Variants in RBFOX1 observed in about 807,000 individuals in gnomAD.
RBFOX1 encodes the protein RNA binding fox-1 homolog 1.
A neutral mutation model predicts 57.7 loss-of-function variants in RBFOX1; 8 were observed. That is an observed-to-expected ratio of 0.14 (90% CI 0.08 to 0.25). The LOEUF is 0.25. Ranked by LOEUF, RBFOX1 falls within the 10% of genes least tolerant of loss-of-function variation. The pLI is 1.00. For synonymous variants in RBFOX1, 326 were observed against 222.4 expected, an observed-to-expected ratio of 1.47 and a Z score of -4.15; for missense variants, 611 against 548.5, an observed-to-expected ratio of 1.11 and a Z score of -1.14.
chr16:5,958,397 C>T (rs1360430426), intron 4 of RBFOX1, among the ~76,000 whole-genome samples: 1 of 152,136 alleles, frequency 6.6e-6, no homozygotes, highest in Admixed American at 6.5e-5. Context: ...TCCCTCAAAG[C>T]CTTCCTATCA....
chr16:6,417,938 TA>T (rs1225124279), intron 2 of RBFOX1, among the ~76,000 whole-genome samples: 1 of 152,138 alleles, frequency 6.6e-6, no homozygotes, highest in African/African-American at 2.4e-5. Flanking sequence ...AAAGTTGTAT[TA>T]ATAACATCTA....
intron 1 of RBFOX1, among the ~76,000 whole-genome samples, chr16:5,416,199 TC>T (rs2151475309): frequency 6.6e-6 from 1 of 152,296 alleles, no homozygotes; most frequent in East Asian, 1.9e-4. Flanking sequence ...GACACTATGG[TC>T]CCATTTTACA....
chr16:6,706,080 G>C (rs1169275462), intron 3 of RBFOX1, among the ~76,000 whole-genome samples: 1 of 152,120 alleles, frequency 6.6e-6, no homozygotes, highest in Non-Finnish European at 1.5e-5. Context: ...CACCTTTCAC[G>C]CCTATTAAAA....
At chr16:6,578,601 G>GTA (rs2097483382) in intron 2 of RBFOX1, among the ~76,000 whole-genome samples, 1 of 146,940 alleles carries the variant, frequency 6.8e-6, no homozygotes, top group Non-Finnish European at 1.5e-5. Context: ...GTGTGTGCGT[G>GTA]TGTGTGTGTG....
chr16:6,377,782 T>A (rs527786141), intron 2 of RBFOX1, among the ~76,000 whole-genome samples: 4 of 152,284 alleles, frequency 2.6e-5, no homozygotes, highest in African/African-American at 7.2e-5. Context: ...GAATGTAATT[T>A]TAGATAGAGG....
At position 7,402,272 on chromosome 16, in the gene RBFOX1, G is replaced by A. The variant is rs181492697; in HGVS notation, c.28-115875G>A. ...TCAACTAAGTTATTCAGTCCCGGAC[G>A]TTGTTAACTGCCCTGAAAGTGGTGG... On this transcript the variant is annotated intron_variant, in intron 4 of 15. Transcript: ENST00000550418. 4.5e-4 allele frequency among the ~76,000 whole-genome samples: 69 copies of A among 152,280 alleles called. 1 individual carries two copies. The highest frequency in any genetic ancestry group is 1.0e-3 in the South Asian group (5 of 4,828).
intron 4 of RBFOX1, among the ~76,000 whole-genome samples, chr16:7,208,897 A>G (rs11865299): frequency 0.013 from 2,022 of 152,176 alleles, 57 homozygotes; most frequent in African/African-American, 0.046. Flanking sequence ...TAAGAGAGCA[A>G]GAATTCACTC....
At chr16:5,662,369 A>G (rs976373791) in intron 3 of RBFOX1, among the ~76,000 whole-genome samples, 9 of 152,126 alleles carry the variant, frequency 5.9e-5, no homozygotes, top group African/African-American at 1.9e-4. Flanking sequence ...ACTTTCTAAA[A>G]TGCAGGGTTA....
intron 4 of RBFOX1, among the ~76,000 whole-genome samples, chr16:7,216,065 T>C (rs2091984523): frequency 6.6e-6 from 1 of 152,170 alleles, no homozygotes; most frequent in Admixed American, 6.5e-5. Context: ...TTTGTTCTTT[T>C]GTATTTGCCT....
intron 1 of RBFOX1, among the ~76,000 whole-genome samples, chr16:5,264,130 A>G (rs1014361582): frequency 2.0e-5 from 3 of 152,136 alleles, no homozygotes; most frequent in African/African-American, 7.2e-5. Context: ...GAGGTTGTGA[A>G]GAGAAGTTTA....
At chr16:6,636,756 T>C (rs1215581328) in intron 2 of RBFOX1, among the ~76,000 whole-genome samples, 1 of 101,550 alleles carries the variant, frequency 9.8e-6, no homozygotes, top group Non-Finnish European at 1.9e-5. Context: ...TATAATATAG[T>C]TTATATATAT....
intron 14 of RBFOX1, among the ~76,000 whole-genome samples, chr16:7,697,213 T>C (rs2079073438): frequency 6.6e-6 from 1 of 152,008 alleles, no homozygotes; most frequent in Non-Finnish European, 1.5e-5. Context: ...CTTGGGTTAG[T>C]GGGGTGGCTG....
In RBFOX1 at chr16:5,488,644, G is replaced by GTT. The variant is rs1263623602; in HGVS notation, c.258+21390_258+21391insTT. On this transcript the variant is annotated intron_variant, in intron 2 of 2. Coordinates refer to the RBFOX1 transcript ENST00000585867. ...GATAATGGAGGATTATAGTGATGAT[G>GTT]GTGATGATGATTATGGGAGATGATG... is the stretch of plus-strand genomic sequence containing the variant. Among the ~76,000 whole-genome samples, 3 of 69,030 alleles carry GTT rather than the reference G, an allele frequency of 4.3e-5. 1 individual carries two copies. Among genetic ancestry groups the GTT allele is most frequent in the East Asian group, 9.1e-4 (1 of 1,100 alleles). 45.3% of individuals were successfully genotyped at this position (69,030 alleles called of 152,430 possible).
chr16:6,693,014 T>C (rs2060444543), intron 3 of RBFOX1, among the ~76,000 whole-genome samples: 2 of 151,840 alleles, frequency 1.3e-5, no homozygotes, highest in Middle Eastern at 3.4e-3. Context: ...ATCACAACCA[T>C]CATCATCAAC....
intron 4 of RBFOX1, among the ~76,000 whole-genome samples, chr16:7,222,320 CAA>C (rs2092790372): frequency 6.6e-6 from 1 of 152,140 alleles, no homozygotes; most frequent in Non-Finnish European, 1.5e-5. Context: ...ACCTAATGTG[CAA>C]AGTCTCATGT....
chr16:6,036,329 A>G (rs1287986150), intron 1 of RBFOX1, among the ~76,000 whole-genome samples: 1 of 152,148 alleles, frequency 6.6e-6, no homozygotes, highest in African/African-American at 2.4e-5. Flanking sequence ...AAGGCAACAC[A>G]GGTTTCAGAG....
At chr16:5,750,261 T>C (rs993432694) in intron 3 of RBFOX1, among the ~76,000 whole-genome samples, 1 of 152,206 alleles carries the variant, frequency 6.6e-6, no homozygotes, top group Non-Finnish European at 1.5e-5. Flanking sequence ...CTGCATGAGA[T>C]GTCAGTCTGC....
chr16:7,538,708 A>G (rs1205544613), intron 5 of RBFOX1, among the ~76,000 whole-genome samples: 4 of 152,202 alleles, frequency 2.6e-5, no homozygotes, highest in African/African-American at 7.2e-5. Context: ...TTACAATTCT[A>G]TGCTTCAGGT....
intron 1 of RBFOX1, among the ~76,000 whole-genome samples, chr16:6,023,061 T>G (rs1204243405): frequency 6.6e-6 from 1 of 151,934 alleles, no homozygotes; most frequent in East Asian, 1.9e-4. Context: ...GCCAGGGAAA[T>G]GAGGATTTGC....
Sources: allele counts gnomAD v4.1 joint callset (sites outside exome capture counted in the v4.1 genomes callset), GRCh38; gene constraint gnomAD v4.1.1; transcripts MANE v1.5; gene names NCBI Gene and HGNC (gene_info 2026-07-23, HGNC 2026-07-21).